Variants in DPYSL3 observed in about 807,000 individuals in gnomAD.
The protein encoded by DPYSL3 is dihydropyrimidinase like 3.
A neutral mutation model predicts 66.1 loss-of-function variants in DPYSL3; 16 were observed. That is an observed-to-expected ratio of 0.24 (90% CI 0.16 to 0.37). The LOEUF is 0.37. Ranked by LOEUF, DPYSL3 falls within the 10% of genes least tolerant of loss-of-function variation. The probability of loss-of-function intolerance (pLI) is 1.00; values close to 1 mark genes in which losing one functional copy is unlikely to be tolerated. For missense variants in DPYSL3, 738 were observed against 916.2 expected (o/e 0.81, Z 2.51); for synonymous variants, 338 against 345.1 (o/e 0.98, Z 0.23).
intron 1 of DPYSL3, among the ~76,000 whole-genome samples, chr5:147,427,476 G>A (rs1214182668): frequency 6.6e-6 from 1 of 152,158 alleles, no homozygotes; most frequent in Non-Finnish European, 1.5e-5. Context: ...AATATTGTGG[G>A]AAGCGGCCAA....
chr5:147,428,078 C>T (rs1290146782), intron 1 of DPYSL3, among the ~76,000 whole-genome samples: 1 of 152,130 alleles, frequency 6.6e-6, no homozygotes, highest in East Asian at 1.9e-4. Flanking sequence ...ATAGTAAGCA[C>T]TGATCCAAGT....
chr5:147,483,492 A>G (rs1753281700), intron 1 of DPYSL3, among the ~76,000 whole-genome samples: 1 of 152,212 alleles, frequency 6.6e-6, no homozygotes, highest in Non-Finnish European at 1.5e-5. Flanking sequence ...AAGGGTCTGT[A>G]TATGCCAGGC....
At chr5:147,430,541 GA>G (rs950694213) in intron 1 of DPYSL3, among the ~76,000 whole-genome samples, 2 of 148,400 alleles carry the variant, frequency 1.3e-5, no homozygotes, top group East Asian at 3.9e-4. Flanking sequence ...AAAGGAAAAA[GA>G]AAAAAGAAAG....
At chr5:147,489,320 C>T (rs2126445199) in intron 1 of DPYSL3, among the ~76,000 whole-genome samples, 1 of 152,246 alleles carries the variant, frequency 6.6e-6, no homozygotes, top group African/African-American at 2.4e-5. Flanking sequence ...GTGTTGGATC[C>T]CATTCAGCAC....
At chr5:147,491,481 A>T (rs1034679521) in intron 1 of DPYSL3, among the ~76,000 whole-genome samples, 2 of 152,232 alleles carry the variant, frequency 1.3e-5, no homozygotes, top group African/African-American at 4.8e-5. Flanking sequence ...GAATGTTGGA[A>T]TGATCAAAAG....
chr5:147,435,866 G>C (rs1327578301), intron 1 of DPYSL3, among the ~76,000 whole-genome samples: 1 of 152,188 alleles, frequency 6.6e-6, no homozygotes. Context: ...GCAAATAAAT[G>C]GATATGCAGC....
intron 1 of DPYSL3, among the ~76,000 whole-genome samples, chr5:147,491,577 G>A (rs1753415670): frequency 6.6e-6 from 1 of 152,044 alleles, no homozygotes; most frequent in African/African-American, 2.4e-5. Flanking sequence ...AATAAGGTAA[G>A]AAGACAGAAA....
At chr5:147,474,743 A>T (rs1158982665) in intron 1 of DPYSL3, among the ~76,000 whole-genome samples, 1 of 152,114 alleles carries the variant, frequency 6.6e-6, no homozygotes, top group Non-Finnish European at 1.5e-5. Context: ...ATATAATTAG[A>T]TCATCTCATG....
chr5:147,494,632 G>A (rs1168007659), intron 1 of DPYSL3, among the ~76,000 whole-genome samples: 2 of 150,028 alleles, frequency 1.3e-5, no homozygotes, highest in Non-Finnish European at 3.0e-5. Flanking sequence ...TTGGGAGGCC[G>A]AGGCGGGCAG....
intron 6 of DPYSL3, 143 bp downstream of exon 6, chr5:147,412,465 G>A (rs2152020721): frequency 1.4e-6 from 1 of 709,762 alleles, no homozygotes; most frequent in Non-Finnish European, 2.3e-6. Context: ...TAAATTGTGA[G>A]GTACCTTGGA....
intron 1 of DPYSL3, among the ~76,000 whole-genome samples, chr5:147,483,438 C>T (rs1267598364): frequency 6.6e-6 from 1 of 152,200 alleles, no homozygotes; most frequent in African/African-American, 2.4e-5. Flanking sequence ...GTGTAATCAG[C>T]TGATTGACGT....
chr5:147,486,980 A>G (rs1165557250), intron 1 of DPYSL3, among the ~76,000 whole-genome samples: 2 of 152,222 alleles, frequency 1.3e-5, no homozygotes, highest in Non-Finnish European at 2.9e-5. Context: ...TTTTAAGGGT[A>G]AGTGAGTTTA....
chr5:147,457,532 G>T (rs1405248070), intron 1 of DPYSL3, among the ~76,000 whole-genome samples: 2 of 152,208 alleles, frequency 1.3e-5, no homozygotes, highest in African/African-American at 4.8e-5. Context: ...GCTTCTCTAT[G>T]CATTTTTAGA....
chr5:147,442,781 AAAGT>A (rs60359128), intron 1 of DPYSL3, among the ~76,000 whole-genome samples: 3,818 of 152,324 alleles, frequency 0.025, 151 homozygotes, highest in African/African-American at 0.082. Flanking sequence ...TGTGCAATGA[AAAGT>A]AAGGCATAAA....
At position 147,397,840 on chromosome 5, in the gene DPYSL3, T is replaced by C. The variant is rs761393367; in HGVS notation, c.1629A>G (p.Ala543=). The C allele has an allele frequency of 6.2e-7, 1 of 1,602,808 alleles. No individual in the cohort carries two copies. ...CCATCCCTTCAAAGATGTTGTACTC[T>C]GCCGCCTAGAGGCAGGGGTGAGAAG... is the stretch of plus-strand genomic sequence containing the variant. ...IVSAKNHQSA[A]EYNIFEGMEL... Residue 543 remains alanine, a synonymous_variant, in exon 12 of 14, where the codon GCA becomes GCG. Coordinates refer to ENST00000343218, the MANE Select transcript of DPYSL3 (RefSeq NM_001197294.2).
intron 1 of DPYSL3, among the ~76,000 whole-genome samples, chr5:147,449,018 C>G (rs1311335268): frequency 1.3e-5 from 2 of 152,178 alleles, no homozygotes; most frequent in African/African-American, 2.4e-5. Context: ...ACAGAGAGAG[C>G]TGGTTTTCTG....
chr5:147,412,730 T>C lies in DPYSL3; in HGVS notation c.883-42A>G, dbSNP rs1371627144. On this transcript the variant is annotated intron_variant, in intron 5 of 13. Transcript: ENST00000343218. ...TCTTTGTCACTCTTGCAAGCACTTT[T>C]AGCAGCCCCACAGAAGGGCCAATTA... 10 of 1,570,738 alleles carry C rather than the reference T, an allele frequency of 6.4e-6. No individual in the cohort carries two copies. The Admixed American group carries it at 7.0e-5, about 11-fold the overall frequency.
intron 6 of DPYSL3, among the ~76,000 whole-genome samples, chr5:147,410,236 G>A (rs1377728572): frequency 6.6e-6 from 1 of 152,148 alleles, no homozygotes; most frequent in Non-Finnish European, 1.5e-5. Flanking sequence ...TAATGCACAG[G>A]ACAAAGCTAA....
intron 1 of DPYSL3, among the ~76,000 whole-genome samples, chr5:147,506,653 C>T (rs529253590): frequency 6.6e-6 from 1 of 152,118 alleles, no homozygotes; most frequent in East Asian, 1.9e-4. Context: ...GATAATTGCC[C>T]TCATACATGT....
Sources: gnomAD v4.1 joint callset for allele counts (sites outside exome capture counted in the v4.1 genomes callset) on GRCh38, gnomAD v4.1.1 for gene constraint, MANE v1.5 for transcripts, NCBI Gene and HGNC (gene_info 2026-07-23, HGNC 2026-07-21) for gene names.